Variants in PROSER2 observed in about 807,000 individuals in gnomAD.
The protein encoded by PROSER2 is proline and serine-rich protein 2.
Under a neutral mutation model 14.6 loss-of-function variants are expected in PROSER2, and 18 were observed. The ratio of observed to expected loss-of-function variants is 1.23; its 90% confidence interval spans 0.85 to 1.83. The LOEUF is 1.83. Among genes scored for constraint, PROSER2 ranks in the 40% most tolerant of loss-of-function variants. The pLI, the probability that PROSER2 is intolerant of heterozygous loss-of-function variation, is 0.00. For synonymous variants in PROSER2, 367 were observed against 286.4 expected, an observed-to-expected ratio of 1.28 and a Z score of -2.84; for missense variants, 823 against 629.8, an observed-to-expected ratio of 1.31 and a Z score of -3.28.
chr10:11,869,221 C>A lies in PROSER2; in HGVS notation c.392-269C>A, dbSNP rs1182414775. ...CCTCAGGGGCTGGAGCCTCAGCAGC[C>A]CACATGGACGGAATGTCTCCTAGGT... On this transcript the variant is annotated intron_variant, in intron 3 of 3. Transcript: ENST00000277570. The surrounding 1 kb of genome is among the most constrained non-coding windows in gnomAD (Gnocchi z 4.4). 5.6e-6 allele frequency: 3 copies of A among 540,366 alleles called. No homozygotes were observed. Among genetic ancestry groups the A allele is most frequent in the Non-Finnish European group, 9.9e-6 (3 of 303,006 alleles). 33.5% of individuals were successfully genotyped at this position (540,366 alleles called of 1,614,324 possible). A position where few individuals can be genotyped will look rare whatever the true frequency, so the allele number is the denominator to read the frequency against.
rs144199237 is a variant in PROSER2, at chr10:11,857,669, C to T, written c.138+5454C>T. Among the ~76,000 whole-genome samples, 448 of 142,618 alleles carry T rather than the reference C, an allele frequency of 3.1e-3. 4 individuals carry two copies. The highest frequency in any genetic ancestry group is 0.011 in the African/African-American group (429 of 38,940). The allele number at this position is 142,618 out of a possible 152,430, so 93.6% of individuals were successfully genotyped here. On this transcript the variant is annotated intron_variant, in intron 2 of 3. Transcript: ENST00000277570. The stretch of plus-strand genomic sequence containing the variant: ...CTGAGGCAGGAAAATCACTTGAACC[C>T]GGGTGGCGGAGGTTGCAGTGAGCCG...
rs1834411206 is a variant in PROSER2, at chr10:11,869,154, A to G, written c.392-336A>G. On this transcript the variant is annotated intron_variant, in intron 3 of 3. Transcript: ENST00000277570. The surrounding 1 kb of genome is among the most constrained non-coding windows in gnomAD (Gnocchi z 4.4). ...TTCTAGACTCAATTTCCCCTTTGTA[A>G]ACTCCCCTGATGAGTTGGTCACTAC... 6.6e-6 allele frequency among the ~76,000 whole-genome samples: 1 copy of G among 152,132 alleles called. No homozygotes were observed. Among genetic ancestry groups the G allele is most frequent in the African/African-American group, 2.4e-5 (1 of 41,424 alleles).
Position 11,868,953 on chromosome 10 carries a change from G to C in PROSER2, c.392-537G>C, listed in dbSNP as rs117562519. The stretch of plus-strand genomic sequence containing the variant: ...GGTGCGAGCCACCGCGCCCGGCCCA[G>C]TGTTGTATTGAGAGACAGATGCATA... On this transcript the variant is annotated intron_variant, in intron 3 of 3. Transcript: ENST00000277570. Among the ~76,000 whole-genome samples the C allele has an allele frequency of 2.4e-3, 363 of 152,234 alleles. 2 individuals are homozygous for C. Among genetic ancestry groups the C allele is most frequent in the African/African-American group, 7.8e-3 (324 of 41,558 alleles).
At position 11,851,871 on chromosome 10, in the gene PROSER2, C is replaced by T. The variant is rs1834023493; in HGVS notation, c.-81-126C>T. On this transcript the variant is annotated intron_variant, in intron 1 of 3. Transcript: ENST00000277570. ...CTCAAACTGGTTGACTTAGCGTTTCCCAATCGCCTTTACCCTAATGGTCGA... is the reference window on the plus strand; with the variant it reads ...CTCAAACTGGTTGACTTAGCGTTTCTCAATCGCCTTTACCCTAATGGTCGA... The T allele has an allele frequency of 7.1e-6, 3 of 421,040 alleles. No homozygotes were observed. The South Asian group carries it at 3.0e-4, about 43-fold the overall frequency. The allele number at this position is 421,040 out of a possible 1,614,324, so 26.1% of individuals were successfully genotyped here.
chr10:11,857,743 T>TGA (rs1554767520), intron 2 of PROSER2, among the ~76,000 whole-genome samples: 20 of 106,538 alleles, frequency 1.9e-4, no homozygotes, highest in Admixed American at 4.4e-4. Context: ...AGACCCCATC[T>TGA]AAAAAAAAAA....
intron 3 of PROSER2, among the ~76,000 whole-genome samples, chr10:11,868,826 T>C (rs984275762): frequency 6.6e-6 from 1 of 152,134 alleles, no homozygotes; most frequent in Non-Finnish European, 1.5e-5. Flanking sequence ...AATTGTTGTA[T>C]TTTTAGTAGA....
At chr10:11,843,183 GC>G (rs1564304900) in intron 1 of PROSER2, among the ~76,000 whole-genome samples, 1 of 149,266 alleles carries the variant, frequency 6.7e-6, no homozygotes, top group East Asian at 2.0e-4. Flanking sequence ...CTCGTGATCC[GC>G]CCACCTCGGC....
At chr10:11,854,640 C>G (rs1258071130) in intron 2 of PROSER2, among the ~76,000 whole-genome samples, 1 of 150,624 alleles carries the variant, frequency 6.6e-6, no homozygotes, top group African/African-American at 2.4e-5. Flanking sequence ...TTTTTGCAAC[C>G]TCTGCCTCCT....
chr10:11,868,480 C>A (rs1023027113), intron 3 of PROSER2, among the ~76,000 whole-genome samples: 2 of 152,134 alleles, frequency 1.3e-5, no homozygotes, highest in African/African-American at 2.4e-5. Flanking sequence ...CTATGCAGCC[C>A]AGGCTGGTCT....
chr10:11,842,324 TTTTA>T (rs1416190975), intron 1 of PROSER2, among the ~76,000 whole-genome samples: 1 of 152,180 alleles, frequency 6.6e-6, no homozygotes, highest in East Asian at 1.9e-4. Context: ...AATTTGTGCT[TTTTA>T]TTTGTCCTCT....
chr10:11,862,898 T>C lies in PROSER2; in HGVS notation c.139-3633T>C, dbSNP rs1834270888. Reference sequence around the variant, plus strand: ...AAAATCACAGTGAAATATGACTGCATTCCTCTCCTTCAGGGCGCTAGAGCA... The same window carrying C: ...AAAATCACAGTGAAATATGACTGCACTCCTCTCCTTCAGGGCGCTAGAGCA... On this transcript the variant is annotated intron_variant, in intron 2 of 3. Transcript: ENST00000277570. This position sits in a 1 kb window ranked among gnomAD's most constrained non-coding sequence, Gnocchi z 4.2. The C allele has an allele frequency of 6.6e-6, 1 of 152,190 alleles. No homozygotes were observed. Among genetic ancestry groups the C allele is most frequent in the Non-Finnish European group, 1.5e-5 (1 of 68,038 alleles). The allele number at this position is 152,190 out of a possible 1,614,324, so 9.4% of individuals were successfully genotyped here.
In PROSER2 at chr10:11,870,228, C is replaced by G. The variant is rs770720122; in HGVS notation, c.1130C>G (p.Thr377Arg). The change falls in exon 4 of 4, where the codon ACG becomes AGG. Residue 377 changes from threonine to arginine, a missense_variant. By Grantham distance (71) the Thr-to-Arg change is moderately conservative. Coordinates refer to ENST00000277570, the MANE Select transcript of PROSER2 (RefSeq NM_153256.4). ...CGCCCTGGCCCGGCCCTGCCCAGCA[C>G]GCGGGCCCGTCAGAGCTTCCCCGGG... is the stretch of plus-strand genomic sequence containing the variant. Reference protein sequence around the residue: ...CFRPGPALPSTRARQSFPGPR... With the variant: ...CFRPGPALPSRRARQSFPGPR... The G allele has an allele frequency of 6.7e-7, 1 of 1,490,592 alleles. No individual in the cohort carries two copies. Among genetic ancestry groups the G allele is most frequent in the Non-Finnish European group, 8.9e-7 (1 of 1,127,906 alleles). 92.3% of individuals were successfully genotyped at this position (1,490,592 alleles called of 1,614,324 possible).
At chr10:11,855,487 A>G (rs1203067555) in intron 2 of PROSER2, among the ~76,000 whole-genome samples, 3 of 151,822 alleles carry the variant, frequency 2.0e-5, no homozygotes, top group Non-Finnish European at 2.9e-5. Context: ...AAAAAAAAAA[A>G]AAAGAAAAAA....
At chr10:11,868,325 G>C (rs772194581) in intron 3 of PROSER2, among the ~76,000 whole-genome samples, 2 of 152,084 alleles carry the variant, frequency 1.3e-5, no homozygotes, top group African/African-American at 2.4e-5. Context: ...ACCCAGGCTG[G>C]AGTGCAATGG....
At position 11,856,009 on chromosome 10, in the gene PROSER2, C is replaced by A. The variant is rs1834116700; in HGVS notation, c.138+3794C>A. Among the ~76,000 whole-genome samples, 3 of 152,084 alleles carry A rather than the reference C, an allele frequency of 2.0e-5. No homozygotes were observed. The highest frequency in any genetic ancestry group is 7.2e-5 in the African/African-American group (3 of 41,384). On this transcript the variant is annotated intron_variant, in intron 2 of 3. Transcript: ENST00000277570. This position sits in a 1 kb window ranked among gnomAD's most constrained non-coding sequence, Gnocchi z 5.3. ...ATAGGTAGAACTAGAATGAGTTGTCCAAATCCTAGAATATGTGGCTACAAA... is the reference window on the plus strand; with the variant it reads ...ATAGGTAGAACTAGAATGAGTTGTCAAAATCCTAGAATATGTGGCTACAAA...
chr10:11,852,684 A>ATTTTTTT, intron 2 of PROSER2, among the ~76,000 whole-genome samples: 1 of 98,020 alleles, frequency 1.0e-5, no homozygotes, highest in Non-Finnish European at 2.0e-5. Context: ...ACACCCGGCT[A>ATTTTTTT]TTTTTTTTTT....
chr10:11,826,725 C>G (rs1290338394), intron 1 of PROSER2, among the ~76,000 whole-genome samples: 1 of 151,850 alleles, frequency 6.6e-6, no homozygotes, highest in Non-Finnish European at 1.5e-5. Context: ...CCACAGATGC[C>G]GCCCACCACC....
At chr10:11,827,194 CAAAAA>C (rs149113428) in intron 1 of PROSER2, among the ~76,000 whole-genome samples, 2 of 98,380 alleles carry the variant, frequency 2.0e-5, no homozygotes, top group Non-Finnish European at 4.3e-5. Flanking sequence ...CCTTCCTTTA[CAAAAA>C]AAAAAAAAAA....
chr10:11,838,075 T>G lies in PROSER2; in HGVS notation c.-81-13922T>G, dbSNP rs1833786451. 1.3e-5 allele frequency among the ~76,000 whole-genome samples: 2 copies of G among 152,166 alleles called. No homozygotes were observed. The highest frequency in any genetic ancestry group is 4.2e-4 in the South Asian group (2 of 4,808). ...GTGCTGAAATGACCTGATAAATCAT[T>G]TCTTTAACCTCCAGGAAACCTTTCC... On this transcript the variant is annotated intron_variant, in intron 1 of 3. Coordinates refer to ENST00000277570, the MANE Select transcript of PROSER2 (RefSeq NM_153256.4). The surrounding 1 kb of genome is among the most constrained non-coding windows in gnomAD (Gnocchi z 4.4).
Sources: gnomAD v4.1 joint callset for allele counts (sites outside exome capture counted in the v4.1 genomes callset) on GRCh38, gnomAD v4.1.1 for gene constraint, Gnocchi (gnomAD v3.1) non-coding constraint, MANE v1.5 for transcripts, NCBI Gene and HGNC (gene_info 2026-07-23, HGNC 2026-07-21) for gene names.